SPTBN4: variants seen among roughly 807,000 people sequenced by gnomAD.
The protein encoded by SPTBN4 is spectrin beta, non-erythrocytic 4.
In SPTBN4, 96 loss-of-function variants were observed where a neutral mutation model predicts 277.8. The observed-to-expected ratio is 0.35, with a 90% CI of 0.29 to 0.41. The LOEUF is 0.41. Among genes scored for constraint, SPTBN4 ranks in the 10% least tolerant of loss-of-function variants. SPTBN4 has a pLI of 1.00. For synonymous variants in SPTBN4, 1,481 were observed against 1,580.3 expected (o/e 0.94, Z 1.49); for missense variants, 3,006 against 3,595.7 (o/e 0.84, Z 4.19).
rs1433758040 is a variant in SPTBN4 at position 40,560,388 on chromosome 19, C to T, written c.5900C>T (p.Ala1967Val). 10 of 1,614,092 alleles carry T rather than the reference C, an allele frequency of 6.2e-6. No homozygotes were observed. Among genetic ancestry groups the T allele is most frequent in the Non-Finnish European group, 5.9e-6 (7 of 1,180,034 alleles). The change falls in exon 27 of 36, where the codon GCA becomes GTA. Residue 1967 changes from alanine to valine, a missense_variant. By Grantham distance (64) the Ala-to-Val change is moderately conservative (BLOSUM62 0). This residue lies in a region of SPTBN4 where 425 missense variants were observed against 594.7 expected (regional missense o/e 0.71). Transcript: ENST00000598249. This position sits in a 1 kb window ranked among gnomAD's most constrained non-coding sequence, Gnocchi z 5.2. ...WMDGIASQIG[A>V]ADKPRDVSSV... ...GATGGCATCGCCAGCCAGATTGGGG[C>T]AGCCGACAAGCCCAGGTGCCCCTCA...
Position 40,519,393 on chromosome 19 carries a change from C to G in SPTBN4, c.2904-8C>G, listed in dbSNP as rs757070630. 2 of 1,544,782 alleles carry G rather than the reference C, an allele frequency of 1.3e-6. No individual in the cohort carries two copies. Among genetic ancestry groups the G allele is most frequent in the Admixed American group, 2.0e-5 (1 of 51,028 alleles). ...TCCTCCTCAAGTCACTCTCTTTCCC[C>G]TGGGCAGGTGGAACCGCATCGTGGA... On this transcript the variant is annotated splice_polypyrimidine_tract_variant and splice_region_variant and intron_variant, in intron 15 of 35. Transcript: ENST00000598249. This position sits in a 1 kb window ranked among gnomAD's most constrained non-coding sequence, Gnocchi z 5.7.
At chr19:40,547,491 C>T (rs1435597855) in intron 20 of SPTBN4, among the ~76,000 whole-genome samples, 12 of 152,270 alleles carry the variant, frequency 7.9e-5, no homozygotes, top group East Asian at 3.9e-4. Context: ...AATAAACATA[C>T]GTGTGCATGT....
Position 40,570,610 on chromosome 19 carries a change from GC to G in SPTBN4, c.7205del (p.Pro2402ArgfsTer42). 3 of 1,409,426 alleles carry G rather than the reference GC, an allele frequency of 2.1e-6. No homozygotes were observed. The highest frequency in any genetic ancestry group is 9.2e-7 in the Non-Finnish European group (1 of 1,081,252). The allele number at this position is 1,409,426 out of a possible 1,614,324, so 87.3% of individuals were successfully genotyped here. ...CGGGGGAAGCCGGCGCTCGCGCTCC[GC>G]CCCGGCCCAGGGCGGCTCCGCCCCC... ...EGGGSRRSRS[A>X]PAQGGSAPAP... On this transcript the variant is annotated frameshift_variant, in exon 33 of 36. Coordinates refer to ENST00000598249, the MANE Select transcript of SPTBN4 (RefSeq NM_020971.3). LOFTEE classifies it high-confidence loss of function.
chr19:40,523,420 C>A lies in SPTBN4; in HGVS notation c.3655-17C>A. On this transcript the variant is annotated splice_polypyrimidine_tract_variant and intron_variant, in intron 16 of 35. Transcript: ENST00000598249. ...TGGAATGAGGCTGACCTTTGCACCA[C>A]GCTCCCTCCTCCCCAGGAGATGGCG... The A allele has an allele frequency of 1.3e-6, 2 of 1,577,778 alleles. No individual in the cohort carries two copies. The highest frequency in any genetic ancestry group is 1.8e-5 in the Admixed American group (1 of 54,692).
chr19:40,560,898 G>A lies in SPTBN4; in HGVS notation c.5915+495G>A, dbSNP rs2081035955. On this transcript the variant is annotated intron_variant, in intron 27 of 35. Transcript: ENST00000598249. This position sits in a 1 kb window ranked among gnomAD's most constrained non-coding sequence, Gnocchi z 5.2. Reference sequence around the variant, plus strand: ...CTGGGAGTCACATGCTGGACCCTCTGCATCCCGCTGCAGATGGGAAAAGAT... The same window carrying A: ...CTGGGAGTCACATGCTGGACCCTCTACATCCCGCTGCAGATGGGAAAAGAT... 1 of 248,976 alleles carries A rather than the reference G, an allele frequency of 4.0e-6. No individual in the cohort carries two copies. Among genetic ancestry groups the A allele is most frequent in the Non-Finnish European group, 6.9e-6 (1 of 145,004 alleles). 15.4% of individuals were successfully genotyped at this position (248,976 alleles called of 1,614,324 possible). A position where few individuals can be genotyped will look rare whatever the true frequency, so the allele number is the denominator to read the frequency against.
At chr19:40,506,090 A>T in intron 12 of SPTBN4, 146 bp from the exon 13 acceptor site, 1 of 1,073,166 alleles carries the variant, frequency 9.3e-7, no homozygotes, top group Non-Finnish European at 1.3e-6. Context: ...CTGGTAAGAG[A>T]GTCTTGAGGC....
chr19:40,475,669 C>T (rs768992917), intron 2 of SPTBN4, among the ~76,000 whole-genome samples: 6 of 145,598 alleles, frequency 4.1e-5, no homozygotes, highest in Non-Finnish European at 7.5e-5. Context: ...ACCATGATGG[C>T]CAGGCTGGTC....
chr19:40,564,293 G>A (rs1490451523), intron 27 of SPTBN4, among the ~76,000 whole-genome samples: 2 of 152,142 alleles, frequency 1.3e-5, no homozygotes, highest in African/African-American at 2.4e-5. Flanking sequence ...CCTAGAAGGG[G>A]GAGGTTGCAG....
rs1446047039 is a variant in SPTBN4, at chr19:40,554,759, C to T, written c.5084+113C>T. On this transcript the variant is annotated intron_variant, in intron 24 of 35. Coordinates refer to ENST00000598249, the MANE Select transcript of SPTBN4 (RefSeq NM_020971.3). This position sits in a 1 kb window ranked among gnomAD's most constrained non-coding sequence, Gnocchi z 5.7. ...CGTTGGGTGGGAGAGGTCCTCCTTG[C>T]TGTGTGCTGGAGCCCTCGAATTTGG... 4.0e-6 allele frequency: 6 copies of T among 1,491,240 alleles called. No homozygotes were observed. Among genetic ancestry groups the T allele is most frequent in the South Asian group, 1.2e-5 (1 of 81,632 alleles). The allele number at this position is 1,491,240 out of a possible 1,614,324, so 92.4% of individuals were successfully genotyped here.
chr19:40,493,157 G>A, intron 5 of SPTBN4, 103 bp downstream of exon 5: 1 of 1,026,284 alleles, frequency 9.7e-7, no homozygotes, highest in South Asian at 1.5e-5. Context: ...ATGTCCTCAG[G>A]GTCAAAAAGT....
At chr19:40,501,443 C>T (rs779148723) in intron 7 of SPTBN4, among the ~76,000 whole-genome samples, 3 of 151,768 alleles carry the variant, frequency 2.0e-5, no homozygotes, top group Non-Finnish European at 2.9e-5. Context: ...CCGAGGTGGG[C>T]GGATCACCTG....
At chr19:40,575,013 T>TTA (rs1452443406) in intron 35 of SPTBN4, among the ~76,000 whole-genome samples, 1 of 85,444 alleles carries the variant, frequency 1.2e-5, no homozygotes, top group African/African-American at 5.2e-5. Context: ...AGACTCTGTC[T>TTA]CAAAAAAAAA....
chr19:40,571,925 A>T, intron 33 of SPTBN4, 94 bp from the exon 34 acceptor site: 1 of 1,395,382 alleles, frequency 7.2e-7, no homozygotes, highest in Non-Finnish European at 9.5e-7. Flanking sequence ...CAGAGGTAGG[A>T]AGGCTCAGAC....
At chr19:40,521,804 C>T (rs992243342) in intron 16 of SPTBN4, among the ~76,000 whole-genome samples, 9 of 152,112 alleles carry the variant, frequency 5.9e-5, no homozygotes, top group Non-Finnish European at 1.2e-4. Context: ...CCTTGAGAGA[C>T]CCTTTCTGAC....
At chr19:40,532,146 C>A (rs899992478) in intron 18 of SPTBN4, among the ~76,000 whole-genome samples, 1 of 151,658 alleles carries the variant, frequency 6.6e-6, no homozygotes, top group Non-Finnish European at 1.5e-5. Flanking sequence ...TCATTTGATA[C>A]CCTTGGGAAT....
chr19:40,476,464 A>G (rs1300810171), intron 2 of SPTBN4, among the ~76,000 whole-genome samples: 1 of 152,174 alleles, frequency 6.6e-6, no homozygotes, highest in Non-Finnish European at 1.5e-5. Flanking sequence ...TGATGAAAAC[A>G]TACACTCATG....
At chr19:40,550,676 T>C (rs999960795) in intron 22 of SPTBN4, among the ~76,000 whole-genome samples, 4 of 151,828 alleles carry the variant, frequency 2.6e-5, no homozygotes, top group African/African-American at 9.7e-5. Flanking sequence ...CTAATTTTTG[T>C]ATTTTTAGTA....
intron 5 of SPTBN4, among the ~76,000 whole-genome samples, chr19:40,494,206 C>G (rs1371505646): frequency 6.6e-6 from 1 of 152,140 alleles, no homozygotes; most frequent in Non-Finnish European, 1.5e-5. Context: ...TTCTGGCTGT[C>G]TGTCTTGCAA....
intron 2 of SPTBN4, among the ~76,000 whole-genome samples, chr19:40,473,404 C>T (rs993281996): frequency 4.4e-5 from 6 of 135,126 alleles, no homozygotes; most frequent in African/African-American, 1.7e-4. Flanking sequence ...GTTGCCCAGG[C>T]TGGAGTGCAG....
Sources: allele counts gnomAD v4.1 joint callset (sites outside exome capture counted in the v4.1 genomes callset), GRCh38; gene constraint gnomAD v4.1.1; regional missense constraint gnomAD v4.1.1; non-coding constraint Gnocchi (gnomAD v3.1); transcripts MANE v1.5; gene names NCBI Gene and HGNC (gene_info 2026-07-23, HGNC 2026-07-21).